RAB3C: variants seen among roughly 807,000 people sequenced by gnomAD.
RAB3C encodes the protein ras-related protein Rab-3C.
RAB3C carries 17 observed loss-of-function variants against 26.4 expected under a neutral mutation model. The observed-to-expected ratio is 0.64, with a 90% CI of 0.44 to 0.97. The LOEUF is 0.97. Among genes scored for constraint, RAB3C ranks in the 50% least tolerant of loss-of-function variants. The pLI, the probability that RAB3C is intolerant of heterozygous loss-of-function variation, is 0.00. For missense variants in RAB3C, 242 were observed against 281.9 expected (o/e 0.86, Z 1.01); for synonymous variants, 91 against 95.9 (o/e 0.95, Z 0.30).
chr5:58,583,665 G>T (rs1745954314), intron 1 of RAB3C, among the ~76,000 whole-genome samples: 1 of 152,118 alleles, frequency 6.6e-6, no homozygotes, highest in Admixed American at 6.5e-5. Flanking sequence ...ATTCCGCTTG[G>T]TTAAAGGCGC....
At chr5:58,584,224 C>T (rs1021745568) in intron 1 of RAB3C, among the ~76,000 whole-genome samples, 3 of 152,226 alleles carry the variant, frequency 2.0e-5, no homozygotes, top group Non-Finnish European at 1.5e-5. Context: ...CGTTTTCCAA[C>T]TGGTTTCTTC....
At chr5:58,661,962 G>A (rs1747914183) in intron 2 of RAB3C, among the ~76,000 whole-genome samples, 1 of 149,958 alleles carries the variant, frequency 6.7e-6, no homozygotes, top group Non-Finnish European at 1.5e-5. Context: ...AATATTCAGG[G>A]AAGAGATACT....
At chr5:58,601,508 A>G (rs1459555396) in intron 1 of RAB3C, among the ~76,000 whole-genome samples, 3 of 152,090 alleles carry the variant, frequency 2.0e-5, no homozygotes, top group East Asian at 3.9e-4. Context: ...TTTAATTACC[A>G]TTTCAATCTC....
In RAB3C at chr5:58,858,028, G is replaced by A. The variant is rs950436998; in HGVS notation, c.*6677G>A. The A allele has an allele frequency of 6.6e-6, 1 of 152,104 alleles. No homozygotes were observed. Among genetic ancestry groups the A allele is most frequent in the Non-Finnish European group, 1.5e-5 (1 of 68,026 alleles). The allele number at this position is 152,104 out of a possible 1,614,324, so 9.4% of individuals were successfully genotyped here. ...GTGGAGTAAGTCATGAAACCCTTAG[G>A]AAGAAAAACAAGTTATGACTTATTC... On this transcript the variant is annotated 3_prime_UTR_variant, in exon 5 of 5. Coordinates refer to ENST00000282878, the MANE Select transcript of RAB3C (RefSeq NM_138453.4).
At chr5:58,783,510 A>G (rs1314538120) in intron 3 of RAB3C, among the ~76,000 whole-genome samples, 1 of 152,196 alleles carries the variant, frequency 6.6e-6, no homozygotes, top group Non-Finnish European at 1.5e-5. Context: ...CTAGGTAAGT[A>G]ATTTGTGTTT....
chr5:58,714,737 A>G (rs975608646), intron 2 of RAB3C, among the ~76,000 whole-genome samples: 10 of 152,064 alleles, frequency 6.6e-5, no homozygotes, highest in African/African-American at 1.9e-4. Context: ...CTACATTTTC[A>G]TAATCACTTT....
At chr5:58,705,642 A>T (rs1748928796) in intron 2 of RAB3C, among the ~76,000 whole-genome samples, 3 of 152,194 alleles carry the variant, frequency 2.0e-5, no homozygotes, top group Admixed American at 6.5e-5. Flanking sequence ...TTTATGGAAT[A>T]GAAGTAGATG....
intron 2 of RAB3C, among the ~76,000 whole-genome samples, chr5:58,653,739 G>A (rs1341879168): frequency 6.6e-6 from 1 of 152,166 alleles, no homozygotes; most frequent in Non-Finnish European, 1.5e-5. Flanking sequence ...CATTTATTTG[G>A]TGATGGCCAC....
chr5:58,743,493 C>G (rs1300272775), intron 3 of RAB3C, among the ~76,000 whole-genome samples: 1 of 151,840 alleles, frequency 6.6e-6, no homozygotes, highest in Non-Finnish European at 1.5e-5. Context: ...TTTGCTGCAC[C>G]CATCAACCCA....
rs192037418 is a variant in RAB3C, at chr5:58,748,781, G to A, written c.371+22661G>A. Among the ~76,000 whole-genome samples the A allele has an allele frequency of 4.5e-4, 69 of 152,260 alleles. 1 individual carries two copies. The highest frequency in any genetic ancestry group is 9.8e-4 in the Admixed American group (15 of 15,296). On this transcript the variant is annotated intron_variant, in intron 3 of 4. Transcript: ENST00000282878. ...TTTATGCTCCTTCTTCTATAACATA[G>A]TTACTGGGAAGTGGTTGCAGTCAGT...
intron 1 of RAB3C, among the ~76,000 whole-genome samples, chr5:58,613,510 A>G (rs57358786): frequency 0.027 from 4,075 of 152,240 alleles, 187 homozygotes; most frequent in African/African-American, 0.093. Flanking sequence ...AGGGATTGTC[A>G]GATCACAATT....
intron 3 of RAB3C, among the ~76,000 whole-genome samples, chr5:58,806,088 T>C (rs1331554567): frequency 6.6e-6 from 1 of 152,208 alleles, no homozygotes; most frequent in East Asian, 1.9e-4. Flanking sequence ...TCTAATTCTC[T>C]GAACTGAACA....
rs540380988 is a variant in RAB3C at position 58,664,393 on chromosome 5, C to A, written c.252+46523C>A. Among the ~76,000 whole-genome samples, 20 of 152,170 alleles carry A rather than the reference C, an allele frequency of 1.3e-4. No individual in the cohort carries two copies. The South Asian group carries it at 3.9e-3, about 30-fold the overall frequency. ...CCAAAGGTCATATATTATATGATTC[C>A]ATTAATATAATATTCTTGAAATGGT... On this transcript the variant is annotated intron_variant, in intron 2 of 4. Transcript: ENST00000282878.
chr5:58,739,301 G>C (rs1741224000), intron 3 of RAB3C, among the ~76,000 whole-genome samples: 1 of 152,170 alleles, frequency 6.6e-6, no homozygotes, highest in African/African-American at 2.4e-5. Context: ...TGAGTAGAAA[G>C]GCCAAATCTT....
At chr5:58,735,052 G>T (rs1237452575) in intron 3 of RAB3C, among the ~76,000 whole-genome samples, 1 of 152,162 alleles carries the variant, frequency 6.6e-6, no homozygotes, top group Non-Finnish European at 1.5e-5. Context: ...TCTGACTCAT[G>T]CCTGAAAGGT....
chr5:58,818,427 G>A (rs930780015), intron 3 of RAB3C, among the ~76,000 whole-genome samples: 3 of 152,198 alleles, frequency 2.0e-5, no homozygotes, highest in African/African-American at 7.2e-5. Flanking sequence ...AACCAAAATA[G>A]GGATAAATTA....
intron 2 of RAB3C, among the ~76,000 whole-genome samples, chr5:58,629,513 A>G (rs2111745878): frequency 6.6e-6 from 1 of 152,358 alleles, no homozygotes; most frequent in African/African-American, 2.4e-5. Flanking sequence ...ACATAGAAAC[A>G]GGCGTGGAAA....
chr5:58,675,529 G>T (rs975656455), intron 2 of RAB3C, among the ~76,000 whole-genome samples: 28 of 151,528 alleles, frequency 1.8e-4, no homozygotes, highest in Non-Finnish European at 3.1e-4. Context: ...TTCAAGCATA[G>T]CAACTGGGAG....
At chr5:58,823,122 C>A in intron 3 of RAB3C, 1 of 440,256 alleles carries the variant, frequency 2.3e-6, no homozygotes, top group South Asian at 1.9e-5. Context: ...CAGAATGATG[C>A]AGATTACATG....
Sources: gnomAD v4.1 joint callset for allele counts (sites outside exome capture counted in the v4.1 genomes callset) on GRCh38, gnomAD v4.1.1 for gene constraint, MANE v1.5 for transcripts, NCBI Gene and HGNC (gene_info 2026-07-23, HGNC 2026-07-21) for gene names.